The following BCL2 variants were observed in gnomAD, a reference collection of about 807,000 sequenced individuals.
BCL2 encodes apoptosis regulator Bcl-2.
In BCL2, 1 loss-of-function variant was observed where a neutral mutation model predicts 14.2. The ratio of observed to expected loss-of-function variants is 0.07; its 90% CI spans 0.02 to 0.33. BCL2 has a LOEUF of 0.33. BCL2 is among the 10% of genes least tolerant of loss of function. The pLI, the probability that BCL2 is intolerant of heterozygous loss-of-function variation, is 0.99. For synonymous variants in BCL2, 151 were observed against 137.2 expected, an observed-to-expected ratio of 1.10 and a Z score of -0.70; for missense variants, 247 against 305.9, an observed-to-expected ratio of 0.81 and a Z score of 1.44.
intron 2 of BCL2, among the ~76,000 whole-genome samples, chr18:63,300,788 C>G (rs1487616856): frequency 6.6e-6 from 1 of 152,122 alleles, no homozygotes; most frequent in African/African-American, 2.4e-5. Context: ...ACTGCCTGCC[C>G]CACGCAGAAG....
In BCL2 at chr18:63,133,606, G is replaced by A. The variant is rs534381096; in HGVS notation, c.586-4847C>T. ...CCTGGTCCACTTCGAGAAATTTCAC[G>A]TAAACCTAAAATGAGAATTTTTTTT... On this transcript the variant is annotated intron_variant, in intron 2 of 2. Transcript: ENST00000333681. 3.9e-5 allele frequency among the ~76,000 whole-genome samples: 6 copies of A among 152,144 alleles called. No individual in the cohort carries two copies. The South Asian group carries it at 1.2e-3, about 32-fold the overall frequency.
At chr18:63,169,340 T>TC (rs1915151271) in intron 2 of BCL2, among the ~76,000 whole-genome samples, 7 of 45,828 alleles carry the variant, frequency 1.5e-4, no homozygotes, top group African/African-American at 5.6e-4. Context: ...TTCCTTCCTT[T>TC]CTTTCTTTCT....
chr18:63,211,863 A>G (rs1910017129), intron 2 of BCL2, among the ~76,000 whole-genome samples: 3 of 152,238 alleles, frequency 2.0e-5, no homozygotes. Flanking sequence ...AAATCAGGGA[A>G]CACGTCATTG....
chr18:63,306,910 T>C (rs1369764552), intron 2 of BCL2, among the ~76,000 whole-genome samples: 1 of 151,212 alleles, frequency 6.6e-6, no homozygotes, highest in Non-Finnish European at 1.5e-5. Flanking sequence ...CCCAAGACAA[T>C]TCTTCTTCTT....
chr18:63,285,779 T>C (rs1266381127), intron 2 of BCL2, among the ~76,000 whole-genome samples: 1 of 152,182 alleles, frequency 6.6e-6, no homozygotes, highest in African/African-American at 2.4e-5. Context: ...GTTCTGCATC[T>C]CAGCATGGGT....
intron 2 of BCL2, among the ~76,000 whole-genome samples, chr18:63,159,863 G>A (rs867550169): frequency 6.6e-6 from 1 of 152,152 alleles, no homozygotes; most frequent in Non-Finnish European, 1.5e-5. Context: ...GACTGCCCAC[G>A]CGTACGCATT....
At chr18:63,281,160 A>G (rs8096471) in intron 2 of BCL2, among the ~76,000 whole-genome samples, 126,361 of 152,024 alleles carry the variant, frequency 0.83, 54,122 homozygotes, top group South Asian at 0.95. Flanking sequence ...GTGGTTGCCA[A>G]GGCTGCAGGC....
rs537499795 is a variant in BCL2, at chr18:63,199,540, C to T, written c.586-70781G>A. 8.6e-5 allele frequency among the ~76,000 whole-genome samples: 13 copies of T among 150,730 alleles called. No homozygotes were observed. The South Asian group carries it at 2.5e-3, about 29-fold the overall frequency. On this transcript the variant is annotated intron_variant, in intron 2 of 2. Transcript: ENST00000333681. The stretch of plus-strand genomic sequence containing the variant: ...GACACACACAACACACAGACACATG[C>T]ACAGACCCACACACACAGATACCAC...
intron 2 of BCL2, among the ~76,000 whole-genome samples, chr18:63,143,750 G>A (rs1914431134): frequency 6.6e-6 from 1 of 152,260 alleles, no homozygotes; most frequent in Admixed American, 6.5e-5. Flanking sequence ...CAGTGGCCAT[G>A]CCTATGCATG....
chr18:63,157,467 G>A (rs1389677516), intron 2 of BCL2, among the ~76,000 whole-genome samples: 2 of 152,236 alleles, frequency 1.3e-5, no homozygotes, highest in African/African-American at 4.8e-5. Context: ...ATAGAACCAT[G>A]CACGCGGCAG....
chr18:63,294,998 C>CAAA (rs34986306), intron 2 of BCL2, among the ~76,000 whole-genome samples: 4 of 132,406 alleles, frequency 3.0e-5, no homozygotes, highest in African/African-American at 5.8e-5. Flanking sequence ...CTGAAAATAC[C>CAAA]AAAAAAAAAA....
intron 2 of BCL2, among the ~76,000 whole-genome samples, chr18:63,235,049 C>G (rs79610613): frequency 0.024 from 3,706 of 152,212 alleles, 64 homozygotes; most frequent in Non-Finnish European, 0.038. Flanking sequence ...TGGAGGAAAT[C>G]CTGACTACTC....
intron 2 of BCL2, among the ~76,000 whole-genome samples, chr18:63,272,991 C>G (rs1018823554): frequency 6.7e-6 from 1 of 148,598 alleles, no homozygotes; most frequent in African/African-American, 2.5e-5. Flanking sequence ...ACAACCCAGT[C>G]TAAAATCACA....
chr18:63,266,146 A>G (rs1352959812), intron 2 of BCL2, among the ~76,000 whole-genome samples: 1 of 152,106 alleles, frequency 6.6e-6, no homozygotes, highest in African/African-American at 2.4e-5. Flanking sequence ...ATTGTACTAG[A>G]AAATGTTTGA....
chr18:63,242,464 G>A (rs569828594), intron 2 of BCL2, among the ~76,000 whole-genome samples: 4 of 152,326 alleles, frequency 2.6e-5, no homozygotes, highest in East Asian at 1.9e-4. Flanking sequence ...AGTGCAAAAC[G>A]GCTGTCAGGG....
chr18:63,163,982 G>A (rs1182611992), intron 2 of BCL2, among the ~76,000 whole-genome samples: 2 of 152,180 alleles, frequency 1.3e-5, no homozygotes, highest in Non-Finnish European at 2.9e-5. Flanking sequence ...CTTATCTTCT[G>A]TATGGATACC....
intron 2 of BCL2, chr18:63,317,796 A>C: frequency 7.7e-7 from 1 of 1,304,212 alleles, no homozygotes. Context: ...AGAAACACTG[A>C]AGGGGTACCA....
intron 2 of BCL2, among the ~76,000 whole-genome samples, chr18:63,272,130 G>A (rs987635036): frequency 3.9e-5 from 6 of 152,150 alleles, no homozygotes; most frequent in Admixed American, 3.3e-4. Flanking sequence ...CTCCATATGC[G>A]GGAGACTTCA....
intron 2 of BCL2, among the ~76,000 whole-genome samples, chr18:63,198,319 CAGACACAG>C (rs766288679): frequency 2.6e-4 from 38 of 147,002 alleles, no homozygotes; most frequent in South Asian, 1.1e-3. Flanking sequence ...CACACTGACA[CAGACACAG>C]AGACACACAC....
Sources: gnomAD v4.1 joint callset for allele counts (sites outside exome capture counted in the v4.1 genomes callset) on GRCh38, gnomAD v4.1.1 for gene constraint, MANE v1.5 for transcripts, NCBI Gene and HGNC (gene_info 2026-07-23, HGNC 2026-07-21) for gene names.